The following PCDHA7 variants were observed in gnomAD, a reference collection of about 807,000 sequenced individuals.
The protein encoded by PCDHA7 is protocadherin alpha-7.
Under a neutral mutation model 57.2 loss-of-function variants are expected in PCDHA7, and 37 were observed. That is an observed-to-expected ratio of 0.65 (90% CI 0.50 to 0.85). PCDHA7 has a LOEUF of 0.85. Ranked by LOEUF, PCDHA7 falls within the 40% of genes least tolerant of loss-of-function variation. The probability of loss-of-function intolerance (pLI) is 0.00; values close to 1 mark genes in which losing one functional copy is unlikely to be tolerated. For synonymous variants in PCDHA7, 553 were observed against 558.8 expected, an observed-to-expected ratio of 0.99 and a Z score of 0.15; for missense variants, 1,188 against 1,241.8, an observed-to-expected ratio of 0.96 and a Z score of 0.65.
chr5:140,847,895 A>G (rs1554141940), intron 1 of PCDHA7: 1 of 149,664 alleles, frequency 6.7e-6, no homozygotes, highest in African/African-American at 2.5e-5. Context: ...CTTTTTCATC[A>G]GTAGATTTCT....
chr5:140,855,491 A>AAG, intron 1 of PCDHA7, among the ~76,000 whole-genome samples: 1 of 149,140 alleles, frequency 6.7e-6, no homozygotes, highest in South Asian at 2.1e-4. Context: ...TTAGTGTCTA[A>AAG]ATAAACCTTA....
chr5:140,908,090 G>A (rs1198966409), intron 1 of PCDHA7, among the ~76,000 whole-genome samples: 1 of 152,200 alleles, frequency 6.6e-6, no homozygotes. Flanking sequence ...CAGGTGCACT[G>A]ATTGAAGTTC....
chr5:141,001,594 A>AT (rs1216872407), intron 3 of PCDHA7, among the ~76,000 whole-genome samples: 1 of 152,040 alleles, frequency 6.6e-6, no homozygotes, highest in Non-Finnish European at 1.5e-5. Flanking sequence ...GATTACTCAG[A>AT]TTAGGTTTGC....
intron 1 of PCDHA7, among the ~76,000 whole-genome samples, chr5:140,886,246 A>G (rs1337527671): frequency 1.3e-5 from 2 of 152,144 alleles, no homozygotes; most frequent in Admixed American, 1.3e-4. Flanking sequence ...AAATAAATAA[A>G]AGTATCTCTA....
chr5:140,870,207 T>G, intron 1 of PCDHA7: 1 of 1,614,156 alleles, frequency 6.2e-7, no homozygotes, highest in Non-Finnish European at 8.5e-7. Flanking sequence ...GCACGGTCAT[T>G]GCCCTGATCA....
rs2150241964 is a variant in PCDHA7, at chr5:140,835,688, G to A, written c.1305G>A (p.Leu435=). 6.2e-6 allele frequency: 10 copies of A among 1,613,804 alleles called. No homozygotes were observed. Among genetic ancestry groups the A allele is most frequent in the Admixed American group, 5.0e-5 (3 of 60,002 alleles). ...VTARDGGSPS[L]WATASVSVEV... is the part of the protein sequence containing the mutation. ...CGCGGGACGGGGGCTCGCCTTCTCTGTGGGCCACTGCTAGCGTGTCCGTGG... is the reference window on the plus strand; with the variant it reads ...CGCGGGACGGGGGCTCGCCTTCTCTATGGGCCACTGCTAGCGTGTCCGTGG... The change falls in exon 1 of 4, where the codon CTG becomes CTA. Residue 435 remains leucine, a synonymous_variant. Coordinates refer to ENST00000525929, the MANE Select transcript of PCDHA7 (RefSeq NM_018910.3).
rs148598290 is a variant in PCDHA7, at chr5:140,857,464, C to G, written c.2355+20726C>G. 181 of 1,598,526 alleles carry G rather than the reference C, an allele frequency of 1.1e-4. 14 individuals carry two copies. Among genetic ancestry groups the G allele is most frequent in the Non-Finnish European group, 1.1e-4 (129 of 1,167,932 alleles). On this transcript the variant is annotated intron_variant, in intron 1 of 3. Transcript: ENST00000525929. ...AGGAGAACAACCCGCCAGGCTGCCA[C>G]ATCTTCACGGTGTCTGCGTGGGACG...
rs60872775 is a variant in PCDHA7 at position 140,857,509 on chromosome 5, C to G, written c.2355+20771C>G. 2,646 of 1,598,160 alleles carry G rather than the reference C, an allele frequency of 1.7e-3. 197 individuals carry two copies. In the African/African-American group the frequency reaches 0.032, roughly 19 times the overall value. ...GGGACGCGGACGCGCAGGAGAACGCCCTGGTGTCCTACTCTCTGGTGGAGC... is the reference window on the plus strand; with the variant it reads ...GGGACGCGGACGCGCAGGAGAACGCGCTGGTGTCCTACTCTCTGGTGGAGC... On this transcript the variant is annotated intron_variant, in intron 1 of 3. Transcript: ENST00000525929.
chr5:140,932,222 A>T (rs2088129167), intron 1 of PCDHA7, among the ~76,000 whole-genome samples: 1 of 151,870 alleles, frequency 6.6e-6, no homozygotes, highest in African/African-American at 2.4e-5. Flanking sequence ...GGCAATTTAA[A>T]TTTTTTAGAA....
At chr5:140,979,494 A>C (rs1284874558) in intron 2 of PCDHA7, among the ~76,000 whole-genome samples, 6 of 152,010 alleles carry the variant, frequency 3.9e-5, no homozygotes, top group African/African-American at 1.2e-4. Flanking sequence ...CACCTATTAG[A>C]GCCTCCTCAT....
intron 1 of PCDHA7, chr5:140,860,225 A>ATATATAT (rs2046281831): frequency 6.6e-6 from 1 of 151,528 alleles, no homozygotes. Context: ...ATGTATATAT[A>ATATATAT]AGCCAGGCAT....
intron 1 of PCDHA7, among the ~76,000 whole-genome samples, chr5:140,953,706 G>A (rs1464812227): frequency 1.3e-5 from 2 of 152,144 alleles, no homozygotes; most frequent in Non-Finnish European, 1.5e-5. Context: ...ACTAGACTGA[G>A]CTTCAGACAT....
At chr5:140,992,897 T>G (rs2097532683) in intron 3 of PCDHA7, among the ~76,000 whole-genome samples, 2 of 152,156 alleles carry the variant, frequency 1.3e-5, no homozygotes, top group Admixed American at 1.3e-4. Flanking sequence ...GCTGGATATC[T>G]CCAAAGCTTA....
intron 1 of PCDHA7, among the ~76,000 whole-genome samples, chr5:140,978,103 A>G (rs2096789005): frequency 6.6e-6 from 1 of 152,106 alleles, no homozygotes; most frequent in South Asian, 2.1e-4. Flanking sequence ...AACTCCCCCA[A>G]CAGTCTTTAA....
At chr5:140,967,547 A>T in intron 1 of PCDHA7, 1 of 1,613,890 alleles carries the variant, frequency 6.2e-7, no homozygotes, top group Non-Finnish European at 8.5e-7. Flanking sequence ...TGACCAGTCC[A>T]CTTATCGCGT....
At chr5:141,004,434 G>T (rs1383958111) in intron 3 of PCDHA7, among the ~76,000 whole-genome samples, 2 of 152,186 alleles carry the variant, frequency 1.3e-5, no homozygotes, top group Non-Finnish European at 2.9e-5. Flanking sequence ...TGGAGTTTAG[G>T]CTGAGTCATA....
intron 1 of PCDHA7, among the ~76,000 whole-genome samples, chr5:140,961,617 C>T (rs781986571): frequency 2.0e-5 from 3 of 152,086 alleles, no homozygotes; most frequent in Non-Finnish European, 4.4e-5. Context: ...AACTAAAGTG[C>T]CCATATGAAA....
intron 1 of PCDHA7, chr5:140,882,304 G>A (rs1046715245): frequency 1.2e-6 from 2 of 1,613,750 alleles, no homozygotes; most frequent in Non-Finnish European, 1.7e-6. Context: ...CAAGACCGCG[G>A]CAACTACTGC....
intron 1 of PCDHA7, among the ~76,000 whole-genome samples, chr5:140,945,351 A>C (rs1368185977): frequency 6.6e-6 from 1 of 152,138 alleles, no homozygotes; most frequent in Admixed American, 6.5e-5. Flanking sequence ...GGAAAAATTA[A>C]TACTGTTTAA....
Sources: allele counts gnomAD v4.1 joint callset (sites outside exome capture counted in the v4.1 genomes callset), GRCh38; gene constraint gnomAD v4.1.1; transcripts MANE v1.5; gene names NCBI Gene and HGNC (gene_info 2026-07-23, HGNC 2026-07-21).